DYRK1A: variants seen among roughly 807,000 people sequenced by gnomAD.
The protein encoded by DYRK1A is dual specificity tyrosine-phosphorylation-regulated kinase 1A.
In DYRK1A, 9 loss-of-function variants were observed where a neutral mutation model predicts 79.7. The ratio of observed to expected loss-of-function variants is 0.11; its 90% confidence interval spans 0.07 to 0.20. The LOEUF is 0.20. DYRK1A is among the 10% of genes least tolerant of loss of function. DYRK1A has a pLI of 1.00. For synonymous variants in DYRK1A, 349 were observed against 329.7 expected (o/e 1.06, Z -0.63); for missense variants, 622 against 956.0 (o/e 0.65, Z 4.61).
At chr21:37,405,954 G>A (rs886692195) in intron 1 of DYRK1A, among the ~76,000 whole-genome samples, 4 of 151,744 alleles carry the variant, frequency 2.6e-5, no homozygotes, top group Admixed American at 1.3e-4. Context: ...ATCAATAGGC[G>A]TAAATAAGTT....
At chr21:37,506,355 G>A (rs774240375) in intron 11 of DYRK1A, 132 bp downstream of exon 11, 2 of 1,566,680 alleles carry the variant, frequency 1.3e-6, no homozygotes, top group Non-Finnish European at 1.7e-6. Flanking sequence ...CTAAGGAAAT[G>A]TAAGTATTTA....
At chr21:37,474,838 C>T (rs1309122906) in intron 3 of DYRK1A, among the ~76,000 whole-genome samples, 3 of 152,146 alleles carry the variant, frequency 2.0e-5, no homozygotes, top group African/African-American at 7.2e-5. Flanking sequence ...CTAGTTTTCA[C>T]AATATCTTCC....
rs55818273 is a variant in DYRK1A, at chr21:37,412,277, T to G, written c.-76-8022T>G. Among the ~76,000 whole-genome samples the G allele has an allele frequency of 1.0e-2, 1,522 of 152,312 alleles. 23 individuals are homozygous for G. Among genetic ancestry groups the G allele is most frequent in the African/African-American group, 0.035 (1,464 of 41,570 alleles). ...AGTTCAGAGGAATAAGATAAGATCA[T>G]ACGTTTCTAAATTATAGAGGGGTTA... On this transcript the variant is annotated intron_variant, in intron 1 of 11. Transcript: ENST00000647188.
At position 37,506,237 on chromosome 21, in the gene DYRK1A, T is replaced by G; in HGVS notation, c.1644+14T>G. 1 of 1,613,918 alleles carries G rather than the reference T, an allele frequency of 6.2e-7. No homozygotes were observed. Among genetic ancestry groups the G allele is most frequent in the African/African-American group, 1.3e-5 (1 of 75,012 alleles). On this transcript the variant is annotated intron_variant, in intron 11 of 11. Coordinates refer to ENST00000647188, the MANE Select transcript of DYRK1A (RefSeq NM_001347721.2). ...CACAGTCCCCAGGTGAGCTCGCACGTGGTTCATTTGCTTGTGTCACCTGCC... is the reference window on the plus strand; with the variant it reads ...CACAGTCCCCAGGTGAGCTCGCACGGGGTTCATTTGCTTGTGTCACCTGCC...
At chr21:37,464,579 T>A (rs879393987) in intron 2 of DYRK1A, among the ~76,000 whole-genome samples, 1 of 152,258 alleles carries the variant, frequency 6.6e-6, no homozygotes, top group African/African-American at 2.4e-5. Flanking sequence ...AATTATTTGT[T>A]AAGTTCATCA....
At chr21:37,434,702 T>C (rs1267644456) in intron 2 of DYRK1A, among the ~76,000 whole-genome samples, 1 of 152,230 alleles carries the variant, frequency 6.6e-6, no homozygotes, top group Admixed American at 6.5e-5. Flanking sequence ...GGTTTTATTT[T>C]AAAATTATTT....
intron 2 of DYRK1A, among the ~76,000 whole-genome samples, chr21:37,462,053 T>A (rs2051857908): frequency 6.6e-6 from 1 of 152,186 alleles, no homozygotes; most frequent in Admixed American, 6.5e-5. Context: ...ATTTCTCTAT[T>A]AAGATTCACT....
At chr21:37,384,945 T>C (rs536043944) in intron 1 of DYRK1A, among the ~76,000 whole-genome samples, 3 of 152,168 alleles carry the variant, frequency 2.0e-5, no homozygotes, top group African/African-American at 7.2e-5. Flanking sequence ...ATAGAAATAG[T>C]AATGACAGGT....
intron 2 of DYRK1A, among the ~76,000 whole-genome samples, chr21:37,443,602 G>A (rs2051175846): frequency 6.6e-6 from 1 of 152,194 alleles, no homozygotes; most frequent in African/African-American, 2.4e-5. Context: ...CCAGTGCAGT[G>A]TTTAATGATA....
At chr21:37,426,622 A>G (rs1165482105) in intron 2 of DYRK1A, among the ~76,000 whole-genome samples, 3 of 152,098 alleles carry the variant, frequency 2.0e-5, no homozygotes, top group Non-Finnish European at 2.9e-5. Context: ...GTTTAAGATG[A>G]ATAACCAGCC....
chr21:37,466,670 A>G (rs2052035922), intron 2 of DYRK1A, among the ~76,000 whole-genome samples: 1 of 152,218 alleles, frequency 6.6e-6, no homozygotes, highest in African/African-American at 2.4e-5. Context: ...AGGGCAGTTT[A>G]TGATGATAAA....
chr21:37,391,125 T>C (rs776907551), intron 1 of DYRK1A, among the ~76,000 whole-genome samples: 1 of 152,244 alleles, frequency 6.6e-6, no homozygotes, highest in Non-Finnish European at 1.5e-5. Flanking sequence ...GAACTCTTCC[T>C]AGTGCCCTGG....
At chr21:37,385,738 G>A (rs1448553865) in intron 1 of DYRK1A, among the ~76,000 whole-genome samples, 1 of 152,078 alleles carries the variant, frequency 6.6e-6, no homozygotes, top group African/African-American at 2.4e-5. Flanking sequence ...GAGCTATTAG[G>A]CTTTATTGCT....
At chr21:37,396,283 C>G (rs912174248) in intron 1 of DYRK1A, among the ~76,000 whole-genome samples, 5 of 151,990 alleles carry the variant, frequency 3.3e-5, no homozygotes, top group African/African-American at 1.2e-4. Flanking sequence ...ATATATTACC[C>G]TCTTTAAAGA....
At chr21:37,442,066 ATTGT>A (rs1247950415) in intron 2 of DYRK1A, among the ~76,000 whole-genome samples, 1 of 150,210 alleles carries the variant, frequency 6.7e-6, no homozygotes, top group Non-Finnish European at 1.5e-5. Context: ...GCTCTCTCGC[ATTGT>A]TTCTTACAGA....
At chr21:37,379,094 G>A (rs1368398889) in intron 1 of DYRK1A, among the ~76,000 whole-genome samples, 1 of 152,106 alleles carries the variant, frequency 6.6e-6, no homozygotes, top group Non-Finnish European at 1.5e-5. Context: ...GTATGCTCAG[G>A]GAGTGAAGGG....
At chr21:37,473,782 G>A (rs925262087) in intron 3 of DYRK1A, among the ~76,000 whole-genome samples, 3 of 151,556 alleles carry the variant, frequency 2.0e-5, no homozygotes, top group Non-Finnish European at 4.4e-5. Context: ...TATACAACAT[G>A]TTAACATTCA....
chr21:37,417,717 A>ATTAATTTTATGC (rs1267097397), intron 1 of DYRK1A, among the ~76,000 whole-genome samples: 2 of 151,382 alleles, frequency 1.3e-5, no homozygotes, highest in Non-Finnish European at 2.9e-5. Flanking sequence ...TACGCTGTAG[A>ATTAATTTTATGC]TTAATTTTAT....
chr21:37,466,698 AAG>A (rs2052036667), intron 2 of DYRK1A, among the ~76,000 whole-genome samples: 1 of 152,212 alleles, frequency 6.6e-6, no homozygotes, highest in Non-Finnish European at 1.5e-5. Context: ...ATTCATCAGG[AAG>A]GCATAACAAC....
Sources: allele counts gnomAD v4.1 joint callset (sites outside exome capture counted in the v4.1 genomes callset), GRCh38; gene constraint gnomAD v4.1.1; transcripts MANE v1.5; gene names NCBI Gene and HGNC (gene_info 2026-07-23, HGNC 2026-07-21).